Variants in SMPD3 observed in about 807,000 individuals in gnomAD.
The protein encoded by SMPD3 is nSMase-2.
In SMPD3, 21 loss-of-function variants were observed where a neutral mutation model predicts 55.7. The ratio of observed to expected loss-of-function variants is 0.38; its 90% confidence interval spans 0.27 to 0.54. The LOEUF (loss-of-function observed/expected upper bound fraction) is 0.54. Ranked by LOEUF, SMPD3 falls within the 20% of genes least tolerant of loss-of-function variation. SMPD3 has a pLI of 0.80. For synonymous variants in SMPD3, 457 were observed against 404.3 expected (o/e 1.13, Z -1.56); for missense variants, 842 against 899.6 (o/e 0.94, Z 0.82).
At chr16:68,376,475 A>AC (rs2151990833) in intron 2 of SMPD3, among the ~76,000 whole-genome samples, 1 of 152,186 alleles carries the variant, frequency 6.6e-6, no homozygotes, top group East Asian at 1.9e-4. Context: ...GACTGGCAGG[A>AC]CCCCCAAAGG....
chr16:68,373,821 C>G (rs1665841324), intron 2 of SMPD3, among the ~76,000 whole-genome samples: 3 of 152,334 alleles, frequency 2.0e-5, no homozygotes, highest in Admixed American at 1.3e-4. Flanking sequence ...CTCTGTCAGG[C>G]CTGCGGGTCT....
intron 1 of SMPD3, among the ~76,000 whole-genome samples, chr16:68,390,986 A>C (rs959388614): frequency 1.3e-5 from 2 of 152,228 alleles, no homozygotes; most frequent in Admixed American, 1.3e-4. Context: ...TTGATCTTCC[A>C]GTGAGGTGGA....
At chr16:68,392,923 C>T (rs959162874) in intron 1 of SMPD3, among the ~76,000 whole-genome samples, 3 of 150,270 alleles carry the variant, frequency 2.0e-5, no homozygotes, top group Non-Finnish European at 4.4e-5. Context: ...TGGCTGTCTA[C>T]AAGCCCGGAA....
chr16:68,390,919 C>G (rs1294837317), intron 1 of SMPD3, among the ~76,000 whole-genome samples: 2 of 152,082 alleles, frequency 1.3e-5, no homozygotes, highest in Non-Finnish European at 2.9e-5. Context: ...AGGAGCTACC[C>G]TTCAAACCTC....
chr16:68,395,880 C>T (rs1369621196), intron 1 of SMPD3, among the ~76,000 whole-genome samples: 1 of 152,092 alleles, frequency 6.6e-6, no homozygotes, highest in East Asian at 1.9e-4. Context: ...ATCTTGGTTT[C>T]CTATTGTGGC....
chr16:68,426,984 GGTCT>G (rs932700471), intron 1 of SMPD3, among the ~76,000 whole-genome samples: 3 of 149,504 alleles, frequency 2.0e-5, no homozygotes, highest in Admixed American at 2.0e-4. Context: ...TTTAAACTCA[GGTCT>G]ATCTTTTTTT....
Position 68,371,122 on chromosome 16 carries a change from G to T in SMPD3, c.1060C>A (p.Pro354Thr), listed in dbSNP as rs1184730042. The T allele has an allele frequency of 1.2e-6, 2 of 1,614,002 alleles. No individual in the cohort carries two copies. Among genetic ancestry groups the T allele is most frequent in the South Asian group, 2.2e-5 (2 of 91,086 alleles). The change falls in exon 3 of 9, where the codon CCC becomes ACC. Residue 354 changes from proline to threonine, a missense_variant. Pro to Thr is a conservative substitution (Grantham distance 38, BLOSUM62 -1). Coordinates refer to ENST00000219334, the MANE Select transcript of SMPD3 (RefSeq NM_018667.4). The part of the protein sequence containing the change: ...AFDHEVSAFF[P>T]ANLDFLCLQE... ...AGGCACAGGAAGTCCAGGTTGGCGGGGAAGAAGGCGGAGACCTCATGGTCG... is the reference window on the plus strand; with the variant it reads ...AGGCACAGGAAGTCCAGGTTGGCGGTGAAGAAGGCGGAGACCTCATGGTCG...
At chr16:68,435,179 G>C (rs199744325) in intron 1 of SMPD3, among the ~76,000 whole-genome samples, 1 of 152,214 alleles carries the variant, frequency 6.6e-6, no homozygotes, top group East Asian at 1.9e-4. Context: ...TCTTTGCAGA[G>C]AGAGGGTTCT....
intron 1 of SMPD3, among the ~76,000 whole-genome samples, chr16:68,444,142 A>G (rs1299646995): frequency 6.6e-6 from 1 of 152,210 alleles, no homozygotes; most frequent in Admixed American, 6.5e-5. Flanking sequence ...TCCATTCTGT[A>G]ATCAGCTTTG....
rs1265129810 is a variant in SMPD3, at chr16:68,364,782, A to G, written c.1524T>C (p.Cys508=). 19 of 1,613,692 alleles carry G rather than the reference A, an allele frequency of 1.2e-5. No homozygotes were observed. In the African/African-American group the frequency reaches 2.5e-4, roughly 22 times the overall value. ...PEELVAFDVV[C]GDFNFDNCSS... The stretch of plus-strand genomic sequence containing the variant: ...AGCAGTTATCAAAGTTGAAATCTCC[A>G]CAGACGACGTCAAATGCCACCAGCT... Residue 508 remains cysteine (C), a synonymous_variant, in exon 5 of 9, where the codon TGT becomes TGC. Coordinates refer to ENST00000219334, the MANE Select transcript of SMPD3 (RefSeq NM_018667.4).
At chr16:68,381,548 G>C (rs989495749) in intron 2 of SMPD3, among the ~76,000 whole-genome samples, 2 of 152,220 alleles carry the variant, frequency 1.3e-5, no homozygotes, top group African/African-American at 4.8e-5. Context: ...CACGTGATGA[G>C]TTCTGACCAA....
chr16:68,390,615 G>A (rs1425484947), intron 1 of SMPD3, among the ~76,000 whole-genome samples: 1 of 152,196 alleles, frequency 6.6e-6, no homozygotes, highest in Non-Finnish European at 1.5e-5. Flanking sequence ...GAGCTGTGAT[G>A]GCGCCACTGC....
At chr16:68,388,248 A>G (rs1158521433) in intron 1 of SMPD3, among the ~76,000 whole-genome samples, 1 of 152,128 alleles carries the variant, frequency 6.6e-6, no homozygotes, top group Non-Finnish European at 1.5e-5. Flanking sequence ...AGAGCCAAGT[A>G]CCTGGCAGGA....
intron 1 of SMPD3, among the ~76,000 whole-genome samples, chr16:68,400,722 TCCAGC>T (rs1343253310): frequency 6.6e-6 from 1 of 152,198 alleles, no homozygotes; most frequent in East Asian, 1.9e-4. Flanking sequence ...GTTGTGCCTC[TCCAGC>T]CCCGACAAAG....
intron 1 of SMPD3, among the ~76,000 whole-genome samples, chr16:68,389,258 C>A (rs1266432698): frequency 1.3e-5 from 2 of 152,184 alleles, no homozygotes; most frequent in African/African-American, 4.8e-5. Flanking sequence ...TGTCTGGAGC[C>A]AGCAGTGGTC....
chr16:68,390,626 A>G (rs1042651027), intron 1 of SMPD3, among the ~76,000 whole-genome samples: 1 of 152,202 alleles, frequency 6.6e-6, no homozygotes, highest in African/African-American at 2.4e-5. Context: ...GCGCCACTGC[A>G]CTCCAGCTTG....
chr16:68,361,096 C>G lies in SMPD3; in HGVS notation c.*110G>C. 1 of 995,784 alleles carries G rather than the reference C, an allele frequency of 1.0e-6. No individual in the cohort carries two copies. The highest frequency in any genetic ancestry group is 1.6e-5 in the South Asian group (1 of 63,174). The allele number at this position is 995,784 out of a possible 1,614,324, so 61.7% of individuals were successfully genotyped here. A position where few individuals can be genotyped will look rare whatever the true frequency, so the allele number is the denominator to read the frequency against. On this transcript the variant is annotated 3_prime_UTR_variant, in exon 9 of 9. Transcript: ENST00000219334. The stretch of plus-strand genomic sequence containing the variant: ...TCCCGGGCACTGACTGTGGCTCCCT[C>G]CCTGTCCCTGCCCTCCTCCCCCAAG...
intron 1 of SMPD3, among the ~76,000 whole-genome samples, chr16:68,399,185 C>G (rs1460730324): frequency 6.6e-6 from 1 of 152,106 alleles, no homozygotes; most frequent in Non-Finnish European, 1.5e-5. Context: ...TGTGGGTGGG[C>G]TTGGGGGGAG....
chr16:68,401,220 G>A lies in SMPD3; in HGVS notation c.-268-14561C>T, dbSNP rs139143081. On this transcript the variant is annotated intron_variant, in intron 1 of 8. Coordinates refer to ENST00000219334, the MANE Select transcript of SMPD3 (RefSeq NM_018667.4). ...TGCGTCTCACCCCTTTTCTGCCCCAGTCCACCTGAGGGAAACACAGTGGCT... is the reference window on the plus strand; with the variant it reads ...TGCGTCTCACCCCTTTTCTGCCCCAATCCACCTGAGGGAAACACAGTGGCT... 7.2e-4 allele frequency among the ~76,000 whole-genome samples: 110 copies of A among 152,302 alleles called. No homozygotes were observed. The East Asian group carries it at 0.016, about 22-fold the overall frequency.
Sources: gnomAD v4.1 joint callset for allele counts (sites outside exome capture counted in the v4.1 genomes callset) on GRCh38, gnomAD v4.1.1 for gene constraint, MANE v1.5 for transcripts, NCBI Gene and HGNC (gene_info 2026-07-23, HGNC 2026-07-21) for gene names.